Variants in COL12A1 observed in about 807,000 individuals in gnomAD.
The protein encoded by COL12A1 is collagen alpha-1(XII) chain.
Under a neutral mutation model 349.7 loss-of-function variants are expected in COL12A1, and 114 were observed. The ratio of observed to expected loss-of-function variants is 0.33; its 90% CI spans 0.28 to 0.38. The LOEUF (loss-of-function observed/expected upper bound fraction) is 0.38, where lower values mean the gene tolerates loss of function less well. COL12A1 is among the 10% of genes least tolerant of loss of function. The pLI is 1.00. For synonymous variants in COL12A1, 1,369 were observed against 1,329.0 expected (o/e 1.03, Z -0.66); for missense variants, 3,284 against 3,756.9 (o/e 0.87, Z 3.29).
chr6:75,164,946 A>C (rs545526268), intron 14 of COL12A1, among the ~76,000 whole-genome samples: 169 of 152,224 alleles, frequency 1.1e-3, no homozygotes, highest in African/African-American at 4.0e-3. Context: ...TAAAAATAAA[A>C]ATAAATAAAA....
At chr6:75,123,583 T>C (rs962471575) in intron 42 of COL12A1, among the ~76,000 whole-genome samples, 179 bp from the exon 43 acceptor site, 2 of 152,132 alleles carry the variant, frequency 1.3e-5, no homozygotes, top group Non-Finnish European at 2.9e-5. Flanking sequence ...ATGTCACTGG[T>C]AGTCATTCAA....
chr6:75,142,118 A>C lies in COL12A1; in HGVS notation c.4871T>G (p.Leu1624Arg). Reference protein sequence around the residue: ...RSETSTSLKDLFSQTLYTVSV... With the variant: ...RSETSTSLKDRFSQTLYTVSV... ...GACTGTGTACAAGGTCTGTGAGAAG[A>C]GGTCTTTGAGGGAAGTGCTGGTCTC... The change falls in exon 27 of 66, where the codon CTC becomes CGC. Residue 1624 changes from leucine to arginine, a missense_variant. Around this residue, in one of 2 missense-constraint regions of COL12A1, gnomAD observed 2,601 missense variants for 2,824.8 expected, o/e 0.92. Transcript: ENST00000322507. 1 of 1,614,128 alleles carries C rather than the reference A, an allele frequency of 6.2e-7. No individual in the cohort carries two copies. The highest frequency in any genetic ancestry group is 8.5e-7 in the Non-Finnish European group (1 of 1,179,976).
At chr6:75,095,728 G>A (rs1003504499) in intron 59 of COL12A1, among the ~76,000 whole-genome samples, 4 of 151,522 alleles carry the variant, frequency 2.6e-5, no homozygotes, top group Non-Finnish European at 5.9e-5. Flanking sequence ...TATATTTTGA[G>A]ACCAGTTGAA....
intron 17 of COL12A1, among the ~76,000 whole-genome samples, chr6:75,153,204 A>G (rs1767577894): frequency 6.6e-6 from 1 of 152,176 alleles, no homozygotes; most frequent in Non-Finnish European, 1.5e-5. Flanking sequence ...TGCACATTTA[A>G]AGAATCAAGA....
rs1373816462 is a variant in COL12A1, at chr6:75,138,881, A to G, written c.5038T>C (p.Ser1680Pro). The stretch of plus-strand genomic sequence containing the variant: ...GTTATTCTGTAGAGAGACACATCTG[A>G]AGCTCCATGATCCCAAGTCCCTCTG... The part of the protein sequence containing the change: ...GFRGTWDHGA[S>P]DVSLYRITWA... Residue 1680 changes from serine to proline, a missense_variant, in exon 28 of 66, where the codon TCA becomes CCA. This residue lies in a region of COL12A1 where 2,601 missense variants were observed against 2,824.8 expected (regional missense o/e 0.92). Coordinates refer to ENST00000322507, the MANE Select transcript of COL12A1 (RefSeq NM_004370.6). 6 of 1,614,106 alleles carry G rather than the reference A, an allele frequency of 3.7e-6. No homozygotes were observed. The African/African-American group carries it at 8.0e-5, about 22-fold the overall frequency.
chr6:75,106,602 G>A, intron 52 of COL12A1, 106 bp from the exon 53 acceptor site: 1 of 928,864 alleles, frequency 1.1e-6, no homozygotes, highest in East Asian at 2.6e-5. Context: ...CTCTCTCAAG[G>A]GTGTGAGCCA....
Position 75,165,770 on chromosome 6 carries a change from G to C in COL12A1, c.2720C>G (p.Ser907Cys). ...GTCTTTAGTAACTAAATCTTGAGGA[G>C]AACCACGTTCTAGAACAGAAATTAA... ...GEGTTLEERGSPQDLVTKDIT... is the reference protein window; with the variant it reads ...GEGTTLEERGCPQDLVTKDIT... Residue 907 changes from serine (S) to cysteine (C), a missense_variant, in exon 14 of 66, where the codon TCT (serine) becomes TGT (cysteine). Transcript: ENST00000322507. 1 of 1,613,448 alleles carries C rather than the reference G, an allele frequency of 6.2e-7. No individual in the cohort carries two copies. Among genetic ancestry groups the C allele is most frequent in the Non-Finnish European group, 8.5e-7 (1 of 1,179,652 alleles).
intron 1 of COL12A1, among the ~76,000 whole-genome samples, chr6:75,203,239 T>C (rs1056428660): frequency 6.6e-6 from 1 of 152,238 alleles, no homozygotes; most frequent in African/African-American, 2.4e-5. Flanking sequence ...TTTAGGTAAC[T>C]GTACTTTAGT....
At chr6:75,148,118 C>A (rs975989022) in intron 22 of COL12A1, among the ~76,000 whole-genome samples, 2 of 151,368 alleles carry the variant, frequency 1.3e-5, no homozygotes, top group African/African-American at 4.9e-5. Flanking sequence ...ATGAAAAAAA[C>A]ATAGTGATAT....
chr6:75,167,167 T>G (rs574723108), intron 13 of COL12A1, among the ~76,000 whole-genome samples: 158 of 152,314 alleles, frequency 1.0e-3, no homozygotes, highest in African/African-American at 3.6e-3. Flanking sequence ...TTCTATTTTC[T>G]CTACTTGGAA....
At chr6:75,111,539 A>G (rs1460908234) in intron 51 of COL12A1, among the ~76,000 whole-genome samples, 3 of 151,936 alleles carry the variant, frequency 2.0e-5, no homozygotes, top group Admixed American at 6.6e-5. Context: ...GGTTTAGTGG[A>G]TGATCAGATT....
chr6:75,166,942 C>T (rs1310144669), intron 13 of COL12A1, among the ~76,000 whole-genome samples: 1 of 152,042 alleles, frequency 6.6e-6, no homozygotes, highest in African/African-American at 2.4e-5. Context: ...GCCTACCAGA[C>T]CCCAAGCCCA....
intron 13 of COL12A1, among the ~76,000 whole-genome samples, chr6:75,173,001 A>G (rs536892147): frequency 6.6e-6 from 1 of 152,220 alleles, no homozygotes; most frequent in Non-Finnish European, 1.5e-5. Flanking sequence ...CTTGGAACCA[A>G]TCTGCAGCCC....
At chr6:75,130,724 T>C in intron 36 of COL12A1, 128 bp downstream of exon 36, 2 of 1,209,828 alleles carry the variant, frequency 1.7e-6, no homozygotes, top group Admixed American at 4.9e-5. Flanking sequence ...GCCTGGAATG[T>C]AAATGTAGGG....
At chr6:75,192,453 T>A in intron 3 of COL12A1, 98 bp from the exon 4 acceptor site, 2 of 1,115,222 alleles carry the variant, frequency 1.8e-6, no homozygotes, top group Non-Finnish European at 2.5e-6. Flanking sequence ...ATCTGAAAAA[T>A]TCAGTATATA....
intron 11 of COL12A1, among the ~76,000 whole-genome samples, chr6:75,180,205 C>T (rs899071986): frequency 4.6e-5 from 7 of 152,144 alleles, no homozygotes; most frequent in South Asian, 4.1e-4. Context: ...ACACACGCTA[C>T]GACATGGATC....
chr6:75,127,684 C>T (rs1046707462), intron 38 of COL12A1, among the ~76,000 whole-genome samples: 2 of 152,058 alleles, frequency 1.3e-5, no homozygotes, highest in South Asian at 2.1e-4. Context: ...GGAACCCAGG[C>T]GTAAGTATTT....
At chr6:75,159,694 A>G (rs1403103024) in intron 14 of COL12A1, among the ~76,000 whole-genome samples, 1 of 151,706 alleles carries the variant, frequency 6.6e-6, no homozygotes, top group Admixed American at 6.6e-5. Context: ...GGAACAAGAC[A>G]TTCTCTCTCT....
chr6:75,127,334 C>A (rs1766068537), intron 38 of COL12A1, among the ~76,000 whole-genome samples: 1 of 152,080 alleles, frequency 6.6e-6, no homozygotes, highest in African/African-American at 2.4e-5. Flanking sequence ...GATTCTTGAC[C>A]TTGAGAGACT....
Sources: gnomAD v4.1 joint callset for allele counts (sites outside exome capture counted in the v4.1 genomes callset) on GRCh38, gnomAD v4.1.1 for gene constraint, gnomAD v4.1.1 regional missense constraint, MANE v1.5 for transcripts, NCBI Gene and HGNC (gene_info 2026-07-23, HGNC 2026-07-21) for gene names.